Variants in MTA3 observed in about 807,000 individuals in gnomAD.
The protein encoded by MTA3 is metastasis associated 1 family member 3.
In MTA3, 34 loss-of-function variants were observed where a neutral mutation model predicts 83.5. The ratio of observed to expected loss-of-function variants is 0.41; its 90% CI spans 0.31 to 0.54. MTA3 has a LOEUF of 0.54. Among genes scored for constraint, MTA3 ranks in the 20% least tolerant of loss-of-function variants. The pLI is 0.33. For missense variants in MTA3, 761 were observed against 726.4 expected, an observed-to-expected ratio of 1.05 and a Z score of -0.55; for synonymous variants, 303 against 252.7, an observed-to-expected ratio of 1.20 and a Z score of -1.89.
intron 8 of MTA3, among the ~76,000 whole-genome samples, chr2:42,669,372 A>C (rs774360297): frequency 2.0e-5 from 3 of 152,198 alleles, no homozygotes; most frequent in African/African-American, 7.2e-5. Context: ...AGCGTGAGCC[A>C]CTGCGCCTGG....
intron 16 of MTA3, among the ~76,000 whole-genome samples, chr2:42,743,454 GAGT>G (rs1257920033): frequency 6.6e-6 from 1 of 152,194 alleles, no homozygotes; most frequent in Non-Finnish European, 1.5e-5. Flanking sequence ...GAAGAGAGAT[GAGT>G]TTTCAGTGGG....
At chr2:42,533,891 G>C (rs1572938676) in intron 2 of MTA3, among the ~76,000 whole-genome samples, 1 of 151,338 alleles carries the variant, frequency 6.6e-6, no homozygotes, top group Non-Finnish European at 1.5e-5. Flanking sequence ...CATAGACAGA[G>C]CAGCCGATTT....
rs1268798620 is a variant in MTA3, at chr2:42,674,744, G to A, written c.703-7657G>A. ...CTCCCGAGTAGCTGGGACTACAGGCGCGTGCCACCATGCCCGGCTAATTTT... is the reference window on the plus strand; with the variant it reads ...CTCCCGAGTAGCTGGGACTACAGGCACGTGCCACCATGCCCGGCTAATTTT... On this transcript the variant is annotated intron_variant, in intron 8 of 16. Coordinates refer to ENST00000405094, the MANE Select transcript of MTA3 (RefSeq NM_001330442.2). Among the ~76,000 whole-genome samples, 6 of 151,540 alleles carry A rather than the reference G, an allele frequency of 4.0e-5. No individual in the cohort carries two copies. The East Asian group carries it at 5.9e-4, about 15-fold the overall frequency.
At chr2:42,628,558 G>A (rs1173779985) in intron 4 of MTA3, among the ~76,000 whole-genome samples, 2 of 152,128 alleles carry the variant, frequency 1.3e-5, no homozygotes, top group East Asian at 3.8e-4. Flanking sequence ...AGGCATCTCA[G>A]AAAAGAGGAG....
rs981960809 is a variant in MTA3 at position 42,753,318 on chromosome 2, C to T, written c.1760-56C>T. On this transcript the variant is annotated intron_variant, in intron 16 of 16. Coordinates refer to ENST00000405094, the MANE Select transcript of MTA3 (RefSeq NM_001330442.2). The stretch of plus-strand genomic sequence containing the variant: ...GGGGTGAGTCCATCCTCCCTTTCAT[C>T]TTGCCTCCACCATCGGGACTTGTTT... 7 of 1,549,632 alleles carry T rather than the reference C, an allele frequency of 4.5e-6. No homozygotes were observed. In the African/African-American group the frequency reaches 9.6e-5, roughly 21 times the overall value.
chr2:42,722,886 C>T lies in MTA3; in HGVS notation c.1613-3C>T. ...AATTGAGAAACCTTTTTTCCCCCAT[C>T]AGAGATCCATCCTGCAAAGAAACCT... is the stretch of plus-strand genomic sequence containing the variant. On this transcript the variant is annotated splice_region_variant and splice_polypyrimidine_tract_variant and intron_variant, in intron 15 of 16. Coordinates refer to ENST00000405094, the MANE Select transcript of MTA3 (RefSeq NM_001330442.2). 1 of 1,550,612 alleles carries T rather than the reference C, an allele frequency of 6.4e-7. No homozygotes were observed.
At chr2:42,709,189 C>G (rs1666387938) in intron 14 of MTA3, 93 bp downstream of exon 14, 2 of 1,481,480 alleles carry the variant, frequency 1.3e-6, no homozygotes, top group South Asian at 2.8e-5. Context: ...TGTTTGTTTG[C>G]AATAAACATA....
upstream of MTA3, chr2:42,567,994 T>G (rs1336768571): frequency 6.6e-6 from 1 of 152,212 alleles, no homozygotes; most frequent in African/African-American, 2.4e-5. Flanking sequence ...ATGACGCAGT[T>G]AGGGTGGCCT....
At chr2:42,656,524 A>G (rs1228889228) in intron 7 of MTA3, among the ~76,000 whole-genome samples, 1 of 152,250 alleles carries the variant, frequency 6.6e-6, no homozygotes, top group Non-Finnish European at 1.5e-5. Flanking sequence ...AAGAAAACAG[A>G]AAAGTATAAA....
intron 2 of MTA3, among the ~76,000 whole-genome samples, chr2:42,559,368 G>T (rs1677552026): frequency 6.6e-6 from 1 of 151,320 alleles, no homozygotes; most frequent in Admixed American, 6.6e-5. Flanking sequence ...CAGGCGTGGT[G>T]GTGTGCGCCT....
chr2:42,604,627 A>C, intron 3 of MTA3, among the ~76,000 whole-genome samples: 1 of 123,748 alleles, frequency 8.1e-6, no homozygotes, highest in African/African-American at 3.3e-5. Flanking sequence ...GGTGTTTCTC[A>C]CAGAGGGGTA....
rs1398645950 is a variant in MTA3 at position 42,557,700 on chromosome 2, G to A, written c.-140-12737G>A. Among the ~76,000 whole-genome samples, 3 of 152,256 alleles carry A rather than the reference G, an allele frequency of 2.0e-5. No individual in the cohort carries two copies. The East Asian group carries it at 5.8e-4, about 29-fold the overall frequency. ...TGATTTATTTATCTAGGACTTCGAA[G>A]TTTAGCTTGAGCTCTCCAACATTTT... is the stretch of plus-strand genomic sequence containing the variant. On this transcript the variant is annotated intron_variant, in intron 2 of 17. Coordinates refer to the MTA3 transcript ENST00000405592.
At chr2:42,649,053 C>G (rs1688463198) in intron 6 of MTA3, among the ~76,000 whole-genome samples, 1 of 152,140 alleles carries the variant, frequency 6.6e-6, no homozygotes, top group African/African-American at 2.4e-5. Context: ...TAGCACAGCG[C>G]CCAGCTGTTA....
chr2:42,584,376 C>T (rs1359775698), intron 3 of MTA3, among the ~76,000 whole-genome samples: 1 of 152,194 alleles, frequency 6.6e-6, no homozygotes, highest in Non-Finnish European at 1.5e-5. Flanking sequence ...AAGGTCATAA[C>T]ATCTTTCAAA....
chr2:42,534,226 G>A (rs1171375071), intron 2 of MTA3, among the ~76,000 whole-genome samples: 1 of 152,150 alleles, frequency 6.6e-6, no homozygotes, highest in Non-Finnish European at 1.5e-5. Flanking sequence ...AGCCTGCCTG[G>A]AACTGGCCCC....
chr2:42,497,814 C>T (rs1167018108), intron 2 of MTA3, among the ~76,000 whole-genome samples: 2 of 152,204 alleles, frequency 1.3e-5, no homozygotes, highest in African/African-American at 2.4e-5. Flanking sequence ...CTAGAAACAT[C>T]TCACTTCATG....
intron 16 of MTA3, among the ~76,000 whole-genome samples, chr2:42,726,576 A>G (rs1052600624): frequency 5.9e-5 from 9 of 151,880 alleles, no homozygotes; most frequent in African/African-American, 1.2e-4. Context: ...TCATTGTTCA[A>G]TTCCCACCTA....
intron 4 of MTA3, among the ~76,000 whole-genome samples, chr2:42,633,754 C>T (rs540054400): frequency 1.1e-4 from 16 of 151,396 alleles, no homozygotes; most frequent in East Asian, 3.9e-4. Context: ...GTTAGCCGGC[C>T]GTGGTGGCGG....
rs1687946049 is a variant in MTA3 at position 42,644,140 on chromosome 2, A to T, written c.395A>T (p.Tyr132Phe). 6.2e-7 allele frequency: 1 copy of T among 1,602,224 alleles called. No individual in the cohort carries two copies. The highest frequency in any genetic ancestry group is 2.3e-5 in the East Asian group (1 of 44,278). The change falls in exon 6 of 17, where the codon TAC (tyrosine) becomes TTC (phenylalanine). Residue 132 changes from tyrosine to phenylalanine, a missense_variant. Tyr to Phe is a conservative substitution (Grantham distance 22, BLOSUM62 3). Transcript: ENST00000405094. Reference protein sequence around the residue: ...SYLDKEDTFFYSLVYDPSLKT... With the variant: ...SYLDKEDTFFFSLVYDPSLKT... ...CATATTTTTCAGGATACCTTCTTCT[A>T]CTCATTGGTCTATGACCCCTCATTG...
Sources: allele counts gnomAD v4.1 joint callset (sites outside exome capture counted in the v4.1 genomes callset), GRCh38; gene constraint gnomAD v4.1.1; transcripts MANE v1.5; gene names NCBI Gene and HGNC (gene_info 2026-07-23, HGNC 2026-07-21).